The following FAM151A variants were observed in gnomAD, a reference collection of about 807,000 sequenced individuals.
FAM151A encodes family with sequence similarity 151 member A.
Under a neutral mutation model 40.4 loss-of-function variants are expected in FAM151A, and 41 were observed. The ratio of observed to expected loss-of-function variants is 1.01; its 90% CI spans 0.79 to 1.32. The LOEUF (loss-of-function observed/expected upper bound fraction) is 1.32. Among genes scored for constraint, FAM151A ranks in the 40% most tolerant of loss-of-function variants. The pLI, the probability that FAM151A is intolerant of heterozygous loss-of-function variation, is 0.00. For synonymous variants in FAM151A, 337 were observed against 312.5 expected (o/e 1.08, Z -0.83); for missense variants, 740 against 740.4 (o/e 1.00, Z 0.01).
chr1:54,614,950 G>T, intron 3 of FAM151A, 91 bp from the exon 4 acceptor site: 1 of 1,293,056 alleles, frequency 7.7e-7, no homozygotes. Context: ...GTGTGTGTGT[G>T]TGTGCATGTG....
chr1:54,618,129 C>T (rs1388667490), intron 2 of FAM151A, among the ~76,000 whole-genome samples: 1 of 152,146 alleles, frequency 6.6e-6, no homozygotes, highest in Non-Finnish European at 1.5e-5. Context: ...TCCTCCCCAT[C>T]TCTGGGCTGT....
rs544779803 is a variant in FAM151A, at chr1:54,612,178, A to G, written c.800+308T>C. Among the ~76,000 whole-genome samples, 6 of 151,956 alleles carry G rather than the reference A, an allele frequency of 3.9e-5. No individual in the cohort carries two copies. The East Asian group carries it at 1.2e-3, about 30-fold the overall frequency. On this transcript the variant is annotated intron_variant, in intron 5 of 7. Transcript: ENST00000302250. ...TCCTAGGGCAGGGGTTAAAGGCACAATCTGTGTAGCCCCAGGGGTACAGCG... is the reference window on the plus strand; with the variant it reads ...TCCTAGGGCAGGGGTTAAAGGCACAGTCTGTGTAGCCCCAGGGGTACAGCG...
At chr1:54,618,583 C>T (rs929374117) in intron 2 of FAM151A, among the ~76,000 whole-genome samples, 31 of 151,954 alleles carry the variant, frequency 2.0e-4, no homozygotes, top group Non-Finnish European at 3.1e-4. Flanking sequence ...TGGGGGCTGA[C>T]TTGCTTGGGG....
chr1:54,622,913 A>G (rs186696876), intron 1 of FAM151A, among the ~76,000 whole-genome samples: 4 of 151,422 alleles, frequency 2.6e-5, no homozygotes, highest in Admixed American at 6.6e-5. Context: ...GATGACTCAC[A>G]CCTGTAATCC....
At chr1:54,610,614 G>A (rs1473041930) in intron 6 of FAM151A, 59 bp from the exon 7 acceptor site, 1 of 1,577,304 alleles carries the variant, frequency 6.3e-7, no homozygotes, top group South Asian at 1.2e-5. Flanking sequence ...ACCTTACCTG[G>A]TTGCTAGGGT....
At chr1:54,621,383 G>T (rs1644228465) in intron 1 of FAM151A, 1 of 152,182 alleles carries the variant, frequency 6.6e-6, no homozygotes, top group Non-Finnish European at 1.5e-5. Flanking sequence ...CTTGAACCTG[G>T]GAGGCGGAGG....
Position 54,610,197 on chromosome 1 carries a change from A to T in FAM151A, c.1084+215T>A, listed in dbSNP as rs770560230. 6 of 1,433,860 alleles carry T rather than the reference A, an allele frequency of 4.2e-6. No homozygotes were observed. The African/African-American group carries it at 7.2e-5, about 17-fold the overall frequency. The allele number at this position is 1,433,860 out of a possible 1,614,324, so 88.8% of individuals were successfully genotyped here. On this transcript the variant is annotated intron_variant, in intron 7 of 7. Transcript: ENST00000302250. ...GCTGGTGCCGGCCTTGCCTGCAGCAATGTAGCTGAGGACTGGTCTGAAGGC... is the reference window on the plus strand; with the variant it reads ...GCTGGTGCCGGCCTTGCCTGCAGCATTGTAGCTGAGGACTGGTCTGAAGGC...
intron 2 of FAM151A, 98 bp downstream of exon 2, chr1:54,619,766 C>T: frequency 7.8e-7 from 1 of 1,289,464 alleles, no homozygotes; most frequent in Non-Finnish European, 1.1e-6. Context: ...AAACAGCCAT[C>T]ATGCCACCAC....
intron 2 of FAM151A, among the ~76,000 whole-genome samples, chr1:54,617,709 A>ATTTTTTTTTT (rs56229276): frequency 2.2e-4 from 12 of 55,766 alleles, no homozygotes; most frequent in Non-Finnish European, 2.4e-4. Context: ...AGGGCCTGAG[A>ATTTTTTTTTT]TTTTTTTTTT....
chr1:54,613,420 C>T (rs1283342252), intron 4 of FAM151A, among the ~76,000 whole-genome samples: 1 of 151,404 alleles, frequency 6.6e-6, no homozygotes, highest in Non-Finnish European at 1.5e-5. Flanking sequence ...GCTTTCCTCC[C>T]TCCTTCCCTC....
In FAM151A at chr1:54,610,483, T is replaced by C. The variant is rs559219800; in HGVS notation, c.1013A>G (p.Asp338Gly). 6.7e-7 allele frequency: 1 copy of C among 1,500,936 alleles called. No individual in the cohort carries two copies. Among genetic ancestry groups the C allele is most frequent in the East Asian group, 2.2e-5 (1 of 44,862 alleles). The allele number at this position is 1,500,936 out of a possible 1,614,324, so 93.0% of individuals were successfully genotyped here. The change falls in exon 7 of 8, where the codon GAC becomes GGC. Residue 338 changes from aspartate to glycine, a missense_variant. Coordinates refer to ENST00000302250, the MANE Select transcript of FAM151A (RefSeq NM_176782.3). ...LIPLLQLPGDDGLNVEWLVPD... is the reference protein window; with the variant it reads ...LIPLLQLPGDGGLNVEWLVPD... ...AACCAGCCACTCCACATTCAGACCG[T>C]CATCCCCAGGCAGCTGGAGAAGAGG...
chr1:54,618,399 G>C (rs1644196908), intron 2 of FAM151A, among the ~76,000 whole-genome samples: 2 of 152,166 alleles, frequency 1.3e-5, no homozygotes, highest in African/African-American at 4.8e-5. Context: ...AGCTACTCGG[G>C]AGGCTAAGGC....
intron 3 of FAM151A, among the ~76,000 whole-genome samples, chr1:54,615,288 G>A (rs561682211): frequency 6.6e-6 from 1 of 152,260 alleles, no homozygotes; most frequent in African/African-American, 2.4e-5. Flanking sequence ...TGCAGAGAAA[G>A]GACTTGGTAC....
chr1:54,618,437 G>T (rs1644197080), intron 2 of FAM151A, among the ~76,000 whole-genome samples: 1 of 152,142 alleles, frequency 6.6e-6, no homozygotes, highest in Non-Finnish European at 1.5e-5. Flanking sequence ...CCTGGGAGGT[G>T]GAGGTTGCAG....
chr1:54,618,749 G>T lies in FAM151A; in HGVS notation c.262+1115C>A, dbSNP rs145039416. On this transcript the variant is annotated intron_variant, in intron 2 of 7. Coordinates refer to ENST00000302250, the MANE Select transcript of FAM151A (RefSeq NM_176782.3). ...CAGCTTTACCCATCTGCAGGAGCTCGCGGTGGCTGTGTGCAGACCGTGAAT... is the reference window on the plus strand; with the variant it reads ...CAGCTTTACCCATCTGCAGGAGCTCTCGGTGGCTGTGTGCAGACCGTGAAT... Among the ~76,000 whole-genome samples, 259 of 152,262 alleles carry T rather than the reference G, an allele frequency of 1.7e-3. 3 individuals are homozygous for T. Among genetic ancestry groups the T allele is most frequent in the African/African-American group, 6.0e-3 (251 of 41,558 alleles).
At chr1:54,621,306 A>T (rs1644228113) in intron 1 of FAM151A, among the ~76,000 whole-genome samples, 1 of 151,970 alleles carries the variant, frequency 6.6e-6, no homozygotes, top group Admixed American at 6.6e-5. Context: ...AAAATAGAAA[A>T]ATTAGCTGGG....
At position 54,616,055 on chromosome 1, in the gene FAM151A, T is replaced by TG. The variant is rs1644169554; in HGVS notation, c.379dup (p.Gln127ProfsTer49). The stretch of plus-strand genomic sequence containing the variant: ...AGAGCCCAGCACAGCGTCCAGCCAC[T>TG]GCTCCAGTGTGTTGTCACTGTAGAT... On this transcript the variant is annotated frameshift_variant, in exon 3 of 8. Coordinates refer to ENST00000302250, the MANE Select transcript of FAM151A (RefSeq NM_176782.3). LOFTEE classifies it high-confidence loss of function. 6.2e-7 allele frequency: 1 copy of TG among 1,614,056 alleles called. No individual in the cohort carries two copies. The highest frequency in any genetic ancestry group is 8.5e-7 in the Non-Finnish European group (1 of 1,180,040).
chr1:54,622,414 C>T (rs1382934109), intron 1 of FAM151A, among the ~76,000 whole-genome samples: 2 of 151,476 alleles, frequency 1.3e-5, no homozygotes, highest in Non-Finnish European at 1.5e-5. Context: ...CCCGTCTGTA[C>T]TAAAAATACA....
Position 54,614,690 on chromosome 1 carries a change from G to A in FAM151A, c.575+10C>T, listed in dbSNP as rs769826262. ...CTGGACACAGCTGGGACAGAGAGGC[G>A]AACACTCACTGTGTGGCATTGACCT... is the stretch of plus-strand genomic sequence containing the variant. On this transcript the variant is annotated intron_variant, in intron 4 of 7. Transcript: ENST00000302250. 26 of 1,606,570 alleles carry A rather than the reference G, an allele frequency of 1.6e-5. No homozygotes were observed. The highest frequency in any genetic ancestry group is 2.0e-5 in the Non-Finnish European group (24 of 1,174,930).
Sources: allele counts gnomAD v4.1 joint callset (sites outside exome capture counted in the v4.1 genomes callset), GRCh38; gene constraint gnomAD v4.1.1; transcripts MANE v1.5; gene names NCBI Gene and HGNC (gene_info 2026-07-23, HGNC 2026-07-21).